Variants in UBAC2 observed in about 807,000 individuals in gnomAD.
UBAC2 encodes UBA domain containing 2.
In UBAC2, 26 loss-of-function variants were observed where a neutral mutation model predicts 44.0. That is an observed-to-expected ratio of 0.59 (90% CI 0.43 to 0.82). The LOEUF (loss-of-function observed/expected upper bound fraction) is 0.82, where lower values mean the gene tolerates loss of function less well. Ranked by LOEUF, UBAC2 falls within the 40% of genes least tolerant of loss-of-function variation. The pLI is 0.00. For missense variants in UBAC2, 329 were observed against 419.4 expected (o/e 0.78, Z 1.88); for synonymous variants, 155 against 154.3 (o/e 1.00, Z -0.04).
Position 99,386,371 on chromosome 13 carries a change from A to G in UBAC2, c.*1036A>G, listed in dbSNP as rs1219818154. On this transcript the variant is annotated 3_prime_UTR_variant, in exon 9 of 9. Coordinates refer to ENST00000403766, the MANE Select transcript of UBAC2 (RefSeq NM_001144072.2). ...TGTTCTGCAAAATGAGCAACGATGT[A>G]TCAAATTGATGCAAATTTAGATGTT... 6.6e-6 allele frequency: 1 copy of G among 152,278 alleles called. No individual in the cohort carries two copies. Among genetic ancestry groups the G allele is most frequent in the Non-Finnish European group, 1.5e-5 (1 of 68,054 alleles). The allele number at this position is 152,278 out of a possible 1,614,324, so 9.4% of individuals were successfully genotyped here. A position where few individuals can be genotyped will look rare whatever the true frequency, so the allele number is the denominator to read the frequency against.
At chr13:99,293,174 A>T (rs1262414949) in intron 4 of UBAC2, among the ~76,000 whole-genome samples, 3 of 152,172 alleles carry the variant, frequency 2.0e-5, no homozygotes, top group African/African-American at 7.2e-5. Context: ...GGATAAAATC[A>T]TTTATATAGA....
In UBAC2 at chr13:99,276,256, C is replaced by G. The variant is rs572968796; in HGVS notation, c.389+31632C>G. Among the ~76,000 whole-genome samples, 31 of 152,270 alleles carry G rather than the reference C, an allele frequency of 2.0e-4. 1 individual carries two copies. The highest frequency in any genetic ancestry group is 2.0e-3 in the Admixed American group (31 of 15,292). On this transcript the variant is annotated intron_variant, in intron 4 of 8. Coordinates refer to ENST00000403766, the MANE Select transcript of UBAC2 (RefSeq NM_001144072.2). ...TTTCTACCTGGAGTTAGTATCAGATCCTACAAGTCAAAGAGCTCAGTCTCA... is the reference window on the plus strand; with the variant it reads ...TTTCTACCTGGAGTTAGTATCAGATGCTACAAGTCAAAGAGCTCAGTCTCA...
intron 8 of UBAC2, chr13:99,377,500 T>C (rs978440654): frequency 6.7e-6 from 1 of 149,170 alleles, no homozygotes; most frequent in South Asian, 2.1e-4. Flanking sequence ...AGGGTTTCAG[T>C]GTGAGTTAAT....
intron 6 of UBAC2, among the ~76,000 whole-genome samples, chr13:99,325,624 A>G (rs2044631342): frequency 1.3e-5 from 2 of 152,208 alleles, no homozygotes; most frequent in South Asian, 2.1e-4. Context: ...GGGGTTGTGC[A>G]GCGAATCTCT....
At chr13:99,294,486 C>T (rs1339998505) in intron 4 of UBAC2, 1 of 152,150 alleles carries the variant, frequency 6.6e-6, no homozygotes, top group African/African-American at 2.4e-5. Context: ...TTATCTTTTC[C>T]CTGACACTCC....
intron 4 of UBAC2, among the ~76,000 whole-genome samples, chr13:99,279,047 G>T (rs1416499435): frequency 6.6e-6 from 1 of 152,156 alleles, no homozygotes; most frequent in Admixed American, 6.5e-5. Flanking sequence ...TTAGTCTGCT[G>T]TTGTGTAGCC....
chr13:99,288,422 G>C (rs2044048345), intron 4 of UBAC2, among the ~76,000 whole-genome samples: 1 of 152,140 alleles, frequency 6.6e-6, no homozygotes, highest in Admixed American at 6.5e-5. Context: ...ATAGACAACA[G>C]CTTTAAAATT....
chr13:99,269,746 GTTAAAGCTGT>G (rs1292496137), intron 4 of UBAC2, among the ~76,000 whole-genome samples: 1 of 152,124 alleles, frequency 6.6e-6, no homozygotes, highest in Non-Finnish European at 1.5e-5. Flanking sequence ...AAGCTTCCAT[GTTAAAGCTGT>G]TTTCCCCTTT....
intron 4 of UBAC2, among the ~76,000 whole-genome samples, chr13:99,312,133 G>T (rs528323330): frequency 2.6e-5 from 4 of 152,162 alleles, no homozygotes; most frequent in South Asian, 2.1e-4. Flanking sequence ...ATTTTGGTTT[G>T]GTTTTGTTTT....
chr13:99,313,815 G>A (rs1445324734), intron 4 of UBAC2, among the ~76,000 whole-genome samples: 1 of 152,210 alleles, frequency 6.6e-6, no homozygotes, highest in African/African-American at 2.4e-5. Flanking sequence ...TACCTGGGAA[G>A]AAAACATAGC....
intron 7 of UBAC2, among the ~76,000 whole-genome samples, chr13:99,348,275 C>CGAG (rs2045023134): frequency 6.6e-6 from 1 of 152,104 alleles, no homozygotes; most frequent in South Asian, 2.1e-4. Context: ...TTGCAGCCAG[C>CGAG]GAGGGGAAGA....
chr13:99,200,982 A>G (rs747155396), intron 1 of UBAC2, 43 bp downstream of exon 1: 3 of 1,295,370 alleles, frequency 2.3e-6, no homozygotes, highest in Non-Finnish European at 3.0e-6. Context: ...CCTACACGCC[A>G]CCCTAGGCAC....
At chr13:99,258,819 C>A (rs1314708727) in intron 4 of UBAC2, among the ~76,000 whole-genome samples, 1 of 152,138 alleles carries the variant, frequency 6.6e-6, no homozygotes, top group Non-Finnish European at 1.5e-5. Flanking sequence ...GTAGGTACTC[C>A]TAAATGGAGT....
chr13:99,250,748 C>G (rs12019519), intron 4 of UBAC2, among the ~76,000 whole-genome samples: 3 of 147,168 alleles, frequency 2.0e-5, no homozygotes, highest in African/African-American at 7.5e-5. Context: ...TGATTTTTTT[C>G]TTTTTTCTTT....
chr13:99,269,941 A>G (rs1474394900), intron 4 of UBAC2, among the ~76,000 whole-genome samples: 1 of 152,256 alleles, frequency 6.6e-6, no homozygotes, highest in Non-Finnish European at 1.5e-5. Flanking sequence ...TATACTTTAT[A>G]CAAACACCTT....
chr13:99,212,460 C>T (rs1227709631), intron 1 of UBAC2, among the ~76,000 whole-genome samples: 1 of 152,130 alleles, frequency 6.6e-6, no homozygotes, highest in Non-Finnish European at 1.5e-5. Context: ...CTTCAGTGGA[C>T]GTGATACAAT....
intron 4 of UBAC2, among the ~76,000 whole-genome samples, chr13:99,247,204 T>TTGTTTTG (rs1555322892): frequency 2.1e-5 from 2 of 95,488 alleles, no homozygotes; most frequent in African/African-American, 5.6e-5. Context: ...TGTTTTTTTT[T>TTGTTTTG]TTTTGTTTTG....
intron 6 of UBAC2, among the ~76,000 whole-genome samples, chr13:99,337,943 A>G (rs1042763891): frequency 6.6e-6 from 1 of 151,772 alleles, no homozygotes; most frequent in Non-Finnish European, 1.5e-5. Context: ...GACACATTGG[A>G]AGAAGAATTG....
chr13:99,348,265 T>G (rs1349792654), intron 7 of UBAC2, among the ~76,000 whole-genome samples: 2 of 152,224 alleles, frequency 1.3e-5, no homozygotes, highest in African/African-American at 4.8e-5. Flanking sequence ...TTCAAGAAGT[T>G]TGCAGCCAGC....
Sources: allele counts gnomAD v4.1 joint callset (sites outside exome capture counted in the v4.1 genomes callset), GRCh38; gene constraint gnomAD v4.1.1; transcripts MANE v1.5; gene names NCBI Gene and HGNC (gene_info 2026-07-23, HGNC 2026-07-21).